The following TARS3 variants were observed in gnomAD, a reference collection of about 807,000 sequenced individuals.
TARS3 encodes threonine--tRNA ligase 2, cytoplasmic.
TARS3 carries 94 observed loss-of-function variants against 103.5 expected under a neutral mutation model. The ratio of observed to expected loss-of-function variants is 0.91; its 90% confidence interval spans 0.77 to 1.08. The LOEUF (loss-of-function observed/expected upper bound fraction) is 1.08. TARS3 is among the 50% of genes least tolerant of loss of function. TARS3 has a pLI of 0.00. For synonymous variants in TARS3, 416 were observed against 355.4 expected (o/e 1.17, Z -1.92); for missense variants, 952 against 995.2 (o/e 0.96, Z 0.58).
At chr15:101,656,634 G>A (rs1484594000) in intron 18 of TARS3, among the ~76,000 whole-genome samples, 2 of 152,158 alleles carry the variant, frequency 1.3e-5, no homozygotes, top group Non-Finnish European at 2.9e-5. Flanking sequence ...TAATTCTACT[G>A]ATGGGATCAT....
chr15:101,690,527 T>C (rs1052782992), intron 10 of TARS3, among the ~76,000 whole-genome samples: 1 of 152,166 alleles, frequency 6.6e-6, no homozygotes, highest in Non-Finnish European at 1.5e-5. Context: ...GATTTTGTTG[T>C]TTTTTGCTTT....
At chr15:101,661,266 T>C (rs940861234) in intron 16 of TARS3, among the ~76,000 whole-genome samples, 1 of 151,786 alleles carries the variant, frequency 6.6e-6, no homozygotes, top group African/African-American at 2.4e-5. Flanking sequence ...ATGAATCAGG[T>C]TTACATGTTT....
chr15:101,655,725 A>G (rs1897176992), intron 18 of TARS3: 3 of 895,236 alleles, frequency 3.4e-6, no homozygotes, highest in Non-Finnish European at 2.9e-6. Flanking sequence ...GAGCTCTTAC[A>G]GGCTCACACT....
chr15:101,657,290 A>T (rs1025888877), intron 17 of TARS3, among the ~76,000 whole-genome samples: 2 of 152,234 alleles, frequency 1.3e-5, no homozygotes, highest in African/African-American at 4.8e-5. Context: ...CAGTGAGGAC[A>T]TTCAGGCAAG....
rs143585113 is a variant in TARS3 at position 101,681,868 on chromosome 15, T to G, written c.1650+2207A>C. On this transcript the variant is annotated intron_variant, in intron 12 of 18. Transcript: ENST00000335968. ...TCACAATTCAGTCCATAGCAACATA[T>G]TTGTCAGTCTTATCCCAAAGTACTA... 2.9e-3 allele frequency among the ~76,000 whole-genome samples: 437 copies of G among 152,332 alleles called. 2 individuals carry two copies. The highest frequency in any genetic ancestry group is 9.9e-3 in the African/African-American group (411 of 41,572).
chr15:101,688,448 A>C (rs1266063415), intron 10 of TARS3, among the ~76,000 whole-genome samples: 1 of 152,268 alleles, frequency 6.6e-6, no homozygotes, highest in East Asian at 1.9e-4. Flanking sequence ...GAACATTAAA[A>C]ATCATATTTC....
chr15:101,711,299 C>T (rs1012961371), intron 5 of TARS3, among the ~76,000 whole-genome samples: 4 of 152,326 alleles, frequency 2.6e-5, no homozygotes, highest in African/African-American at 9.6e-5. Context: ...AAATAATTTT[C>T]AGTTAAATGC....
chr15:101,671,988 T>C (rs914478353), intron 13 of TARS3, among the ~76,000 whole-genome samples: 7 of 152,162 alleles, frequency 4.6e-5, no homozygotes, highest in Non-Finnish European at 1.0e-4. Flanking sequence ...TTATAAATTG[T>C]TCCAGTGAAT....
chr15:101,663,424 C>T (rs892786640), intron 15 of TARS3, among the ~76,000 whole-genome samples: 2 of 152,182 alleles, frequency 1.3e-5, no homozygotes, highest in African/African-American at 2.4e-5. Context: ...TGTGTAGTGG[C>T]CTATGCCATC....
intron 6 of TARS3, among the ~76,000 whole-genome samples, chr15:101,706,533 T>C (rs909465632): frequency 4.6e-5 from 7 of 152,222 alleles, no homozygotes; most frequent in Admixed American, 2.6e-4. Context: ...GTGGATTCCA[T>C]TATGTTTCTA....
At chr15:101,673,424 C>T (rs183217549) in intron 13 of TARS3, among the ~76,000 whole-genome samples, 1 of 152,240 alleles carries the variant, frequency 6.6e-6, no homozygotes, top group African/African-American at 2.4e-5. Context: ...ATGCCTAACA[C>T]TCCATGTAAA....
At chr15:101,656,605 G>A (rs770480914) in intron 18 of TARS3, among the ~76,000 whole-genome samples, 1 of 152,198 alleles carries the variant, frequency 6.6e-6, no homozygotes, top group Non-Finnish European at 1.5e-5. Flanking sequence ...AGGCCTGTGA[G>A]GCTGAAATAT....
rs35018220 is a variant in TARS3, at chr15:101,722,642, TAAAAAAAAA to T, written c.369+442_369+450del. On this transcript the variant is annotated intron_variant, in intron 2 of 18. Coordinates refer to ENST00000335968, the MANE Select transcript of TARS3 (RefSeq NM_152334.3). ...TAACACGGTGAAACCCCATCTCTACTAAAAAAAAAAAAAAAAAAAAAAAAAAATTAGCCG... is the reference window on the plus strand; with the variant it reads ...TAACACGGTGAAACCCCATCTCTACTAAAAAAAAAAAAAAAAAATTAGCCG... Among the ~76,000 whole-genome samples the T allele has an allele frequency of 1.9e-4, 11 of 58,754 alleles. No homozygotes were observed. The East Asian group carries it at 3.6e-3, about 19-fold the overall frequency. The allele number at this position is 58,754 out of a possible 152,430, so 38.5% of individuals were successfully genotyped here. A position where few individuals can be genotyped will look rare whatever the true frequency, so the allele number is the denominator to read the frequency against.
intron 15 of TARS3, among the ~76,000 whole-genome samples, chr15:101,669,164 T>A (rs11247315): frequency 6.6e-6 from 1 of 152,174 alleles, no homozygotes; most frequent in Non-Finnish European, 1.5e-5. Flanking sequence ...TGGCCTTGTG[T>A]AGGCCTAGGC....
At chr15:101,658,539 GA>G (rs963298344) in intron 16 of TARS3, among the ~76,000 whole-genome samples, 4 of 152,112 alleles carry the variant, frequency 2.6e-5, no homozygotes, top group Admixed American at 2.6e-4. Context: ...TGAGTGTGGG[GA>G]AAAAAGGGCA....
intron 15 of TARS3, among the ~76,000 whole-genome samples, chr15:101,662,441 C>T (rs1388092293): frequency 1.3e-5 from 2 of 151,840 alleles, no homozygotes; most frequent in Non-Finnish European, 2.9e-5. Flanking sequence ...AAAAATTATA[C>T]CAGCTAGCTA....
At chr15:101,720,308 T>C (rs1286359345) in intron 3 of TARS3, among the ~76,000 whole-genome samples, 1 of 152,222 alleles carries the variant, frequency 6.6e-6, no homozygotes, top group Non-Finnish European at 1.5e-5. Context: ...ATAGCTTCTA[T>C]ACAATTGTAT....
chr15:101,705,717 C>A lies in TARS3; in HGVS notation c.961G>T (p.Glu321Ter). The change falls in exon 7 of 19, where the codon GAG (glutamate) becomes TAG (stop). Residue 321 changes from glutamate to a stop codon, truncating the protein, a stop_gained. Coordinates refer to ENST00000335968, the MANE Select transcript of TARS3 (RefSeq NM_152334.3). LOFTEE classifies it high-confidence loss of function. ...GTGGTAGTTGCAGTGTTAACTTTCTCATTCAGAATGCGGCATTTAAATTTA... is the reference window on the plus strand; with the variant it reads ...GTGGTAGTTGCAGTGTTAACTTTCTAATTCAGAATGCGGCATTTAAATTTA... ...YNKFKCRILN[E>*]KVNTATTTVY... 6.2e-7 allele frequency: 1 copy of A among 1,611,310 alleles called. No individual in the cohort carries two copies. The highest frequency in any genetic ancestry group is 1.1e-5 in the South Asian group (1 of 90,500).
intron 8 of TARS3, 33 bp downstream of exon 8, chr15:101,703,826 A>G (rs766237514): frequency 1.4e-6 from 2 of 1,406,554 alleles, no homozygotes; most frequent in Non-Finnish European, 2.0e-6. Flanking sequence ...GTGCACCTTA[A>G]GTTTACTGTA....
Sources: allele counts gnomAD v4.1 joint callset (sites outside exome capture counted in the v4.1 genomes callset), GRCh38; gene constraint gnomAD v4.1.1; transcripts MANE v1.5; gene names NCBI Gene and HGNC (gene_info 2026-07-23, HGNC 2026-07-21).